OTOGL: variants seen among roughly 807,000 people sequenced by gnomAD.
The protein encoded by OTOGL is otogelin like, also known as otogelin-like protein.
OTOGL carries 285 observed loss-of-function variants against 318.5 expected under a neutral mutation model. The observed-to-expected ratio is 0.89, with a 90% confidence interval of 0.81 to 0.99. The LOEUF is 0.99. Among genes scored for constraint, OTOGL ranks in the 50% least tolerant of loss-of-function variants. The pLI, the probability that OTOGL is intolerant of heterozygous loss-of-function variation, is 0.00. For missense variants in OTOGL, 2,899 were observed against 2,845.6 expected (o/e 1.02, Z -0.43); for synonymous variants, 987 against 936.5 (o/e 1.05, Z -0.99).
chr12:80,274,209 A>C (rs1401467019), intron 24 of OTOGL, among the ~76,000 whole-genome samples: 1 of 152,114 alleles, frequency 6.6e-6, no homozygotes, highest in East Asian at 1.9e-4. Context: ...GCTACAAGCT[A>C]GTCCTTTTGC....
chr12:80,161,500 A>T (rs1342556517), intron 1 of OTOGL, among the ~76,000 whole-genome samples: 2 of 152,102 alleles, frequency 1.3e-5, no homozygotes, highest in African/African-American at 4.8e-5. Flanking sequence ...TGGAGATGGG[A>T]TACATTCAAC....
intron 11 of OTOGL, among the ~76,000 whole-genome samples, chr12:80,239,873 C>T (rs117722349): frequency 6.6e-6 from 1 of 151,996 alleles, no homozygotes; most frequent in African/African-American, 2.4e-5. Flanking sequence ...TCTTTCTTCA[C>T]CCCCACCTCT....
At position 80,271,719 on chromosome 12, in the gene OTOGL, GTTAA is replaced by G. The variant is rs1434482956; in HGVS notation, c.2593_2596del (p.Asn865ValfsTer8). The G allele has an allele frequency of 1.2e-6, 2 of 1,612,978 alleles. No individual in the cohort carries two copies. Among genetic ancestry groups the G allele is most frequent in the African/African-American group, 1.3e-5 (1 of 74,846 alleles). Reference sequence around the variant, plus strand: ...TGACCCTGAATTACCAGCTGGTGGTGTTAATTGTGAGACTACATGTGCAAACCTA... The same window carrying G: ...TGACCCTGAATTACCAGCTGGTGGTGTTGTGAGACTACATGTGCAAACCTA... On this transcript the variant is annotated frameshift_variant, in exon 24 of 59. Coordinates refer to ENST00000547103, the MANE Select transcript of OTOGL (RefSeq NM_001378609.3). LOFTEE classifies it high-confidence loss of function.
chr12:80,263,496 A>G (rs1011183417), intron 19 of OTOGL, among the ~76,000 whole-genome samples: 15 of 152,054 alleles, frequency 9.9e-5, no homozygotes, highest in African/African-American at 3.4e-4. Context: ...AAATATATAC[A>G]TACACGAAAT....
At chr12:80,243,734 G>C (rs113093602) in intron 11 of OTOGL, among the ~76,000 whole-genome samples, 6,630 of 150,096 alleles carry the variant, frequency 0.044, 492 homozygotes, top group African/African-American at 0.15. Context: ...ATGACAAAAT[G>C]TCGAAGCCCT....
At chr12:80,349,462 A>G (rs532248281) in intron 44 of OTOGL, among the ~76,000 whole-genome samples, 67 of 152,238 alleles carry the variant, frequency 4.4e-4, no homozygotes, top group Admixed American at 7.2e-4. Context: ...GTGAGAGAAC[A>G]TGACCATTGA....
chr12:80,151,470 C>T (rs1308314538), intron 1 of OTOGL, among the ~76,000 whole-genome samples: 1 of 152,102 alleles, frequency 6.6e-6, no homozygotes, highest in East Asian at 1.9e-4. Flanking sequence ...TCATGGTCAA[C>T]TTCCCCTATT....
intron 19 of OTOGL, 61 bp from the exon 20 acceptor site, chr12:80,264,940 T>C (rs2137557742): frequency 6.6e-7 from 1 of 1,506,202 alleles, no homozygotes; most frequent in East Asian, 2.3e-5. Context: ...GTGAAATGCT[T>C]GGATAATTCT....
intron 35 of OTOGL, among the ~76,000 whole-genome samples, chr12:80,327,853 G>T (rs1887785399): frequency 6.6e-6 from 1 of 150,550 alleles, no homozygotes; most frequent in Admixed American, 6.6e-5. Context: ...CAGCTACTTG[G>T]GAGGCTGAGG....
At chr12:80,202,750 G>A (rs1031252098) in intron 1 of OTOGL, among the ~76,000 whole-genome samples, 2 of 152,166 alleles carry the variant, frequency 1.3e-5, no homozygotes, top group Non-Finnish European at 2.9e-5. Context: ...ATTAGTCAGG[G>A]TTCTCCAGAG....
At position 80,333,120 on chromosome 12, in the gene OTOGL, A is replaced by G. The variant is rs1198235383; in HGVS notation, c.4422+42A>G. 3.3e-6 allele frequency: 5 copies of G among 1,495,638 alleles called. No individual in the cohort carries two copies. The East Asian group carries it at 1.2e-4, about 35-fold the overall frequency. 92.6% of individuals were successfully genotyped at this position (1,495,638 alleles called of 1,614,324 possible). ...TCTTCCAGCTCTTTGTCATTTCCAT[A>G]TATCATCCATTCAAATTTCTGTGTC... On this transcript the variant is annotated intron_variant, in intron 38 of 58. Coordinates refer to ENST00000547103, the MANE Select transcript of OTOGL (RefSeq NM_001378609.3).
intron 1 of OTOGL, among the ~76,000 whole-genome samples, chr12:80,176,005 T>C (rs1008688890): frequency 6.6e-6 from 1 of 152,172 alleles, no homozygotes; most frequent in Admixed American, 6.5e-5. Flanking sequence ...CACTAACTAC[T>C]CTTCGTTAAA....
At chr12:80,308,885 C>T (rs982697756) in intron 29 of OTOGL, among the ~76,000 whole-genome samples, 1 of 152,078 alleles carries the variant, frequency 6.6e-6, no homozygotes, top group African/African-American at 2.4e-5. Context: ...GAGAATCAGG[C>T]AGGGAGGTTG....
At chr12:80,197,423 A>C (rs988769072) in intron 1 of OTOGL, among the ~76,000 whole-genome samples, 5 of 152,074 alleles carry the variant, frequency 3.3e-5, no homozygotes, top group Non-Finnish European at 7.4e-5. Flanking sequence ...ACAGGGTTTC[A>C]CCATGTTGGC....
At chr12:80,278,125 A>G in intron 24 of OTOGL, 43 bp from the exon 25 acceptor site, 1 of 1,401,102 alleles carries the variant, frequency 7.1e-7, no homozygotes, top group Non-Finnish European at 9.9e-7. Flanking sequence ...AAAACTGAAA[A>G]CTGTAGTTCA....
chr12:80,307,112 A>T (rs1886178891), intron 29 of OTOGL, among the ~76,000 whole-genome samples: 2 of 150,798 alleles, frequency 1.3e-5, no homozygotes, highest in African/African-American at 4.9e-5. Flanking sequence ...TTCAGAGAGC[A>T]CAGGGTTGGG....
chr12:80,109,624 A>G (rs906566520), intron 1 of OTOGL, among the ~76,000 whole-genome samples: 3 of 152,194 alleles, frequency 2.0e-5, no homozygotes, highest in Admixed American at 2.0e-4. Context: ...TTTAGAGCTC[A>G]AAGGGATCCA....
intron 9 of OTOGL, among the ~76,000 whole-genome samples, chr12:80,237,251 C>G (rs60973599): frequency 0.027 from 4,102 of 152,196 alleles, 208 homozygotes; most frequent in African/African-American, 0.093. Flanking sequence ...AGCAATAGAA[C>G]AGCTGAAACA....
chr12:80,326,722 G>A (rs1378597861), intron 35 of OTOGL, among the ~76,000 whole-genome samples: 2 of 152,050 alleles, frequency 1.3e-5, no homozygotes. Context: ...TAAATAATTA[G>A]TTATATAAGC....
Sources: allele counts gnomAD v4.1 joint callset (sites outside exome capture counted in the v4.1 genomes callset), GRCh38; gene constraint gnomAD v4.1.1; transcripts MANE v1.5; gene names NCBI Gene and HGNC (gene_info 2026-07-23, HGNC 2026-07-21).